The following SPAG9 variants were observed in gnomAD, a reference collection of about 807,000 sequenced individuals.
The protein encoded by SPAG9 is sperm associated antigen 9.
A neutral mutation model predicts 166.5 loss-of-function variants in SPAG9; 35 were observed. The ratio of observed to expected loss-of-function variants is 0.21; its 90% CI spans 0.16 to 0.28. The LOEUF is 0.28. Ranked by LOEUF, SPAG9 falls within the 10% of genes least tolerant of loss-of-function variation. SPAG9 has a pLI of 1.00. For missense variants in SPAG9, 1,235 were observed against 1,603.3 expected (o/e 0.77, Z 3.92); for synonymous variants, 534 against 565.5 (o/e 0.94, Z 0.79).
chr17:51,090,003 A>T (rs1335331579), intron 1 of SPAG9, among the ~76,000 whole-genome samples: 1 of 151,906 alleles, frequency 6.6e-6, no homozygotes, highest in South Asian at 2.1e-4. Context: ...TAAAAAAGAG[A>T]GAAGTCATTT....
chr17:51,078,975 T>TAC (rs1479469197), intron 2 of SPAG9, among the ~76,000 whole-genome samples: 4 of 152,100 alleles, frequency 2.6e-5, no homozygotes, highest in African/African-American at 4.8e-5. Context: ...GATCCACACA[T>TAC]ACACACACAC....
rs1975378177 is a variant in SPAG9 at position 50,989,740 on chromosome 17, T to A, written c.2750A>T (p.His917Leu). Residue 917 changes from histidine (H) to leucine (L), a missense_variant, in exon 21 of 30, where the codon CAT becomes CTT. This residue lies in a region of SPAG9 where 493 missense variants were observed against 559.4 expected (regional missense o/e 0.88). Transcript: ENST00000262013. ...DISQTGVYTE[H>L]VFTDPLGVQI... ...AACTCCCAAAGGATCTGTAAAGACA[T>A]GCTCTGTGTAGACGCCAGTTTGGGA... 1.2e-6 allele frequency: 2 copies of A among 1,614,206 alleles called. No homozygotes were observed. Among genetic ancestry groups the A allele is most frequent in the Non-Finnish European group, 1.7e-6 (2 of 1,180,022 alleles).
rs1408018071 is a variant in SPAG9, at chr17:50,985,767, T to C, written c.2951A>G (p.His984Arg). 5.0e-6 allele frequency: 8 copies of C among 1,600,242 alleles called. No homozygotes were observed. Among genetic ancestry groups the C allele is most frequent in the Non-Finnish European group, 6.8e-6 (8 of 1,168,432 alleles). The change falls in exon 23 of 30, where the codon CAT becomes CGT. Residue 984 changes from histidine to arginine, a missense_variant. By Grantham distance (29) the His-to-Arg change is conservative. Around this residue, in one of 6 missense-constraint regions of SPAG9, gnomAD observed 493 missense variants for 559.4 expected, o/e 0.88. Transcript: ENST00000262013. The stretch of plus-strand genomic sequence containing the variant: ...TTTCCTCCACTGGGCTACAGATGAA[T>C]GGACATACAAACTGTAAGAACAAAG... ...LGAQNGCLYVHSSVAQWRKCL... is the reference protein window; with the variant it reads ...LGAQNGCLYVRSSVAQWRKCL...
At chr17:51,109,814 C>A (rs963271378) in intron 1 of SPAG9, among the ~76,000 whole-genome samples, 4 of 151,844 alleles carry the variant, frequency 2.6e-5, no homozygotes, top group African/African-American at 9.7e-5. Context: ...TAGGCTGGTG[C>A]GATCCTCCTG....
intron 9 of SPAG9, among the ~76,000 whole-genome samples, chr17:51,008,268 A>G (rs1216314178): frequency 1.3e-5 from 2 of 152,140 alleles, no homozygotes; most frequent in Admixed American, 1.3e-4. Context: ...GCAAGATCCA[A>G]TGGAGTGGTC....
chr17:51,059,845 T>C (rs2047455426), intron 2 of SPAG9, among the ~76,000 whole-genome samples: 1 of 152,068 alleles, frequency 6.6e-6, no homozygotes, highest in Non-Finnish European at 1.5e-5. Flanking sequence ...TCACTCTCAC[T>C]TTGACCCAAG....
intron 3 of SPAG9, among the ~76,000 whole-genome samples, chr17:51,053,398 G>A (rs1052680854): frequency 2.0e-5 from 3 of 151,280 alleles, no homozygotes; most frequent in African/African-American, 4.9e-5. Flanking sequence ...AAAAATTGGC[G>A]TGCACTGGCC....
intron 29 of SPAG9, among the ~76,000 whole-genome samples, chr17:50,967,925 T>A (rs2143546153): frequency 6.6e-6 from 1 of 152,328 alleles, no homozygotes; most frequent in Non-Finnish European, 1.5e-5. Flanking sequence ...GGTTAAGCAA[T>A]TTTTGTTCTA....
intron 5 of SPAG9, among the ~76,000 whole-genome samples, chr17:51,038,224 T>C (rs950985427): frequency 6.6e-6 from 1 of 152,168 alleles, no homozygotes; most frequent in Non-Finnish European, 1.5e-5. Context: ...AGATATGAGT[T>C]GTAGATTCAA....
intron 28 of SPAG9, among the ~76,000 whole-genome samples, chr17:50,973,300 G>A (rs1489200355): frequency 3.9e-5 from 6 of 152,174 alleles, no homozygotes; most frequent in Non-Finnish European, 5.9e-5. Flanking sequence ...GTTACCAATG[G>A]AGAGGAAAAG....
At position 50,989,704 on chromosome 17, in the gene SPAG9, T is replaced by C; in HGVS notation, c.2786A>G (p.Glu929Gly). The C allele has an allele frequency of 6.2e-7, 1 of 1,614,172 alleles. No individual in the cohort carries two copies. The highest frequency in any genetic ancestry group is 1.1e-5 in the South Asian group (1 of 91,078). ...FTDPLGVQIP[E>G]DLSPVYQSSN... ...CGACTGATACACTGGGGAGAGGTCT[T>C]CTGGGATCTGAACTCCCAAAGGATC... Residue 929 changes from glutamate (E) to glycine (G), a missense_variant, in exon 21 of 30, where the codon GAA (glutamate) becomes GGA (glycine). By Grantham distance (98) the Glu-to-Gly change is moderately conservative. This residue lies in a region of SPAG9 where 493 missense variants were observed against 559.4 expected (regional missense o/e 0.88). Transcript: ENST00000262013.
intron 4 of SPAG9, among the ~76,000 whole-genome samples, chr17:51,043,167 G>C (rs1423790279): frequency 6.6e-6 from 1 of 152,134 alleles, no homozygotes; most frequent in Non-Finnish European, 1.5e-5. Flanking sequence ...TAGGATTACA[G>C]GTGTGAGCCA....
chr17:51,047,717 AAC>A (rs1555649496), intron 3 of SPAG9, among the ~76,000 whole-genome samples: 2 of 151,666 alleles, frequency 1.3e-5, no homozygotes, highest in Admixed American at 6.6e-5. Flanking sequence ...AAAAAAAAAA[AAC>A]CCACTTTTTT....
At chr17:50,996,368 C>A in intron 16 of SPAG9, 197 bp downstream of exon 16, 1 of 598,256 alleles carries the variant, frequency 1.7e-6, no homozygotes, top group Non-Finnish European at 2.9e-6. Context: ...CCCTCACAGA[C>A]TCAGAGCATT....
At chr17:50,975,732 T>A in intron 27 of SPAG9, 1 of 609,526 alleles carries the variant, frequency 1.6e-6, no homozygotes, top group Non-Finnish European at 2.8e-6. Flanking sequence ...AAAAGACACC[T>A]GCTGCGATGC....
chr17:51,085,914 T>C (rs1192673598), intron 1 of SPAG9, among the ~76,000 whole-genome samples: 4 of 151,872 alleles, frequency 2.6e-5, no homozygotes, highest in East Asian at 1.9e-4. Context: ...ATAAACACTA[T>C]TGAGGTTGAT....
chr17:50,972,098 T>C (rs957219418), intron 28 of SPAG9, among the ~76,000 whole-genome samples: 2 of 152,102 alleles, frequency 1.3e-5, no homozygotes, highest in African/African-American at 2.4e-5. Flanking sequence ...TCTTGCTATG[T>C]TTGCCCAGGC....
At chr17:51,007,746 G>A (rs892757451) in intron 9 of SPAG9, 29 of 404,566 alleles carry the variant, frequency 7.2e-5, no homozygotes, top group Non-Finnish European at 1.3e-4. Context: ...TGACCTCGTA[G>A]GCTTTTGCCT....
At chr17:51,078,613 CT>C (rs1046509533) in intron 2 of SPAG9, among the ~76,000 whole-genome samples, 111 of 145,814 alleles carry the variant, frequency 7.6e-4, no homozygotes, top group African/African-American at 2.1e-3. Context: ...AGTTTCTCAC[CT>C]TTTTTTTTTT....
Sources: allele counts gnomAD v4.1 joint callset (sites outside exome capture counted in the v4.1 genomes callset), GRCh38; gene constraint gnomAD v4.1.1; regional missense constraint gnomAD v4.1.1; transcripts MANE v1.5; gene names NCBI Gene and HGNC (gene_info 2026-07-23, HGNC 2026-07-21).